The following VSTM2L variants were observed in gnomAD, a reference collection of about 807,000 sequenced individuals.
VSTM2L encodes V-set and transmembrane domain containing 2 like, also known as V-set and transmembrane domain-containing protein 2-like protein.
In VSTM2L, 9 loss-of-function variants were observed where a neutral mutation model predicts 19.9. The ratio of observed to expected loss-of-function variants is 0.45; its 90% CI spans 0.27 to 0.79. The LOEUF is 0.79. VSTM2L is among the 30% of genes least tolerant of loss of function. The pLI is 0.15. For missense variants in VSTM2L, 286 were observed against 295.5 expected (o/e 0.97, Z 0.24); for synonymous variants, 127 against 133.8 (o/e 0.95, Z 0.35).
At chr20:37,911,425 G>A (rs993562376) in intron 1 of VSTM2L, among the ~76,000 whole-genome samples, 2 of 152,170 alleles carry the variant, frequency 1.3e-5, no homozygotes, top group African/African-American at 2.4e-5. Flanking sequence ...TCCCAAAGGA[G>A]CAAAGACTGT....
rs146668710 is a variant in VSTM2L, at chr20:37,939,269, G to A, written c.343-4712G>A. On this transcript the variant is annotated intron_variant, in intron 3 of 3. Transcript: ENST00000373461. ...AAAGATACAAAAATTGGCCAGGAGT[G>A]GTGGTGCGCACCTGTGGCCACAGCT... Among the ~76,000 whole-genome samples the A allele has an allele frequency of 2.4e-3, 359 of 151,956 alleles. 2 individuals carry two copies. The highest frequency in any genetic ancestry group is 3.9e-3 in the Non-Finnish European group (268 of 67,958).
intron 1 of VSTM2L, among the ~76,000 whole-genome samples, chr20:37,913,444 T>C (rs2072792081): frequency 6.6e-6 from 1 of 152,150 alleles, no homozygotes; most frequent in Admixed American, 6.5e-5. Context: ...GTCCTTTCTC[T>C]CTCCCTGCAG....
At chr20:37,941,838 C>T (rs2072973875) in intron 3 of VSTM2L, among the ~76,000 whole-genome samples, 1 of 150,876 alleles carries the variant, frequency 6.6e-6, no homozygotes, top group East Asian at 1.9e-4. Flanking sequence ...AAGAAGGGGC[C>T]AGGAAAGGAA....
Position 37,931,827 on chromosome 20 carries a change from C to T in VSTM2L, c.291+23C>T, listed in dbSNP as rs62201732. The T allele has an allele frequency of 2.1e-3, 3,422 of 1,606,648 alleles. 7 individuals carry two copies. Among genetic ancestry groups the T allele is most frequent in the Non-Finnish European group, 2.5e-3 (2,996 of 1,175,696 alleles). On this transcript the variant is annotated intron_variant, in intron 2 of 3. Transcript: ENST00000373461. The stretch of plus-strand genomic sequence containing the variant: ...CAGGTAATGCCCCTGGGGAGATGCC[C>T]AAGCTGGGCTGGGGAAGTCCTGGTC...
At chr20:37,931,952 C>G in intron 2 of VSTM2L, 148 bp downstream of exon 2, 1 of 1,018,334 alleles carries the variant, frequency 9.8e-7, no homozygotes, top group South Asian at 1.8e-5. Context: ...CCTTCTTCCT[C>G]CTGGGGTGGG....
intron 1 of VSTM2L, among the ~76,000 whole-genome samples, chr20:37,927,694 C>T (rs1312019400): frequency 6.6e-6 from 1 of 152,164 alleles, no homozygotes; most frequent in African/African-American, 2.4e-5. Context: ...GGTTTTCTGT[C>T]GGTTGGCAGG....
At chr20:37,916,159 T>G (rs1297336298) in intron 1 of VSTM2L, among the ~76,000 whole-genome samples, 1 of 152,212 alleles carries the variant, frequency 6.6e-6, no homozygotes, top group African/African-American at 2.4e-5. Context: ...CCTGCCCCGC[T>G]CCAGCCTCTC....
At chr20:37,928,521 A>G (rs761033521) in intron 1 of VSTM2L, among the ~76,000 whole-genome samples, 5 of 152,236 alleles carry the variant, frequency 3.3e-5, no homozygotes, top group Non-Finnish European at 7.3e-5. Context: ...TTGGGAGGCC[A>G]AGGCGGGGAG....
At chr20:37,927,780 C>T (rs1052232098) in intron 1 of VSTM2L, among the ~76,000 whole-genome samples, 3 of 152,222 alleles carry the variant, frequency 2.0e-5, no homozygotes, top group South Asian at 2.1e-4. Flanking sequence ...GAGACCCCAG[C>T]GGAGCCTCCA....
intron 1 of VSTM2L, among the ~76,000 whole-genome samples, chr20:37,927,742 A>G (rs1466169095): frequency 1.3e-5 from 2 of 151,934 alleles, no homozygotes; most frequent in East Asian, 1.9e-4. Context: ...CTGAGTGGGG[A>G]TGAATTGGAG....
At chr20:37,916,208 C>T (rs2072817674) in intron 1 of VSTM2L, among the ~76,000 whole-genome samples, 1 of 152,242 alleles carries the variant, frequency 6.6e-6, no homozygotes, top group Non-Finnish European at 1.5e-5. Flanking sequence ...GCTCACCCCA[C>T]TAGCTTTGCA....
chr20:37,933,404 G>A (rs1166621333), intron 2 of VSTM2L, 135 bp from the exon 3 acceptor site: 8 of 702,168 alleles, frequency 1.1e-5, no homozygotes, highest in East Asian at 2.8e-5. Flanking sequence ...CATGGCCCCC[G>A]AGCCTCATCT....
At chr20:37,906,243 G>T (rs1600558145) in intron 1 of VSTM2L, among the ~76,000 whole-genome samples, 1 of 152,204 alleles carries the variant, frequency 6.6e-6, no homozygotes, top group South Asian at 2.1e-4. Context: ...CATCTGTTTT[G>T]CTTCCCATCT....
intron 1 of VSTM2L, among the ~76,000 whole-genome samples, chr20:37,913,466 G>A (rs142646227): frequency 2.2e-4 from 33 of 152,294 alleles, no homozygotes; most frequent in Non-Finnish European, 3.2e-4. Context: ...CCTCTCATGC[G>A]AGCTGGGTGG....
At chr20:37,907,035 T>C (rs1406406529) in intron 1 of VSTM2L, among the ~76,000 whole-genome samples, 2 of 152,212 alleles carry the variant, frequency 1.3e-5, no homozygotes, top group South Asian at 2.1e-4. Context: ...GGGAATTTTT[T>C]ACAATGCAGA....
At chr20:37,943,942 C>T in intron 3 of VSTM2L, 39 bp from the exon 4 acceptor site, 1 of 571,320 alleles carries the variant, frequency 1.8e-6, no homozygotes, top group African/African-American at 2.3e-5. Context: ...CCCCCACTGT[C>T]ACTGGATGGA....
intron 3 of VSTM2L, among the ~76,000 whole-genome samples, chr20:37,934,812 G>T (rs760610978): frequency 1.1e-4 from 17 of 152,164 alleles, no homozygotes; most frequent in Non-Finnish European, 2.1e-4. Flanking sequence ...CAGGCGGGAG[G>T]GGGTGGGCAA....
At chr20:37,924,056 G>T (rs911524575) in intron 1 of VSTM2L, among the ~76,000 whole-genome samples, 24 of 152,116 alleles carry the variant, frequency 1.6e-4, no homozygotes, top group Admixed American at 1.5e-3. Context: ...GGGCAAGATA[G>T]CGAGACCCTG....
chr20:37,933,466 A>G, intron 2 of VSTM2L, 73 bp from the exon 3 acceptor site: 1 of 1,225,576 alleles, frequency 8.2e-7, no homozygotes, highest in Non-Finnish European at 1.2e-6. Context: ...GTGTCTCCCC[A>G]CACTGCCACC....
Sources: allele counts gnomAD v4.1 joint callset (sites outside exome capture counted in the v4.1 genomes callset), GRCh38; gene constraint gnomAD v4.1.1; transcripts MANE v1.5; gene names NCBI Gene and HGNC (gene_info 2026-07-23, HGNC 2026-07-21).